ATP2B2: variants seen among roughly 807,000 people sequenced by gnomAD.
The protein encoded by ATP2B2 is ATPase plasma membrane Ca2+ transporting 2, also known as plasma membrane calcium-transporting ATPase 2.
Under a neutral mutation model 120.0 loss-of-function variants are expected in ATP2B2, and 15 were observed. The observed-to-expected ratio is 0.12, with a 90% CI of 0.08 to 0.19. The LOEUF (loss-of-function observed/expected upper bound fraction) is 0.19. Among genes scored for constraint, ATP2B2 ranks in the 10% least tolerant of loss-of-function variants. The pLI is 1.00. For synonymous variants in ATP2B2, 694 were observed against 700.3 expected (o/e 0.99, Z 0.14); for missense variants, 1,045 against 1,719.8 (o/e 0.61, Z 6.94).
chr3:10,402,390 A>C lies in ATP2B2; in HGVS notation c.398-42T>G. 1 of 1,608,568 alleles carries C rather than the reference A, an allele frequency of 6.2e-7. No homozygotes were observed. The highest frequency in any genetic ancestry group is 8.5e-7 in the Non-Finnish European group (1 of 1,179,920). On this transcript the variant is annotated intron_variant, in intron 3 of 22. Transcript: ENST00000360273. This position sits in a 1 kb window ranked among gnomAD's most constrained non-coding sequence, Gnocchi z 4.9. Reference sequence around the variant, plus strand: ...AAGCAGGCAGAGTGAGGTCAACCAGACAGGAGAGGCCTCATGGGCCTGGAT... The same window carrying C: ...AAGCAGGCAGAGTGAGGTCAACCAGCCAGGAGAGGCCTCATGGGCCTGGAT...
At chr3:10,671,423 G>T (rs568092697) in intron 1 of ATP2B2, among the ~76,000 whole-genome samples, 1 of 152,064 alleles carries the variant, frequency 6.6e-6, no homozygotes, top group Non-Finnish European at 1.5e-5. Context: ...GGCCCTTGTC[G>T]AAGTATAGAT....
chr3:10,442,635 A>G (rs765078002), intron 2 of ATP2B2, among the ~76,000 whole-genome samples: 38 of 152,200 alleles, frequency 2.5e-4, no homozygotes, highest in Non-Finnish European at 4.7e-4. Flanking sequence ...GGGGAGGTGT[A>G]TAATAAGCAT....
At chr3:10,559,812 C>T (rs1441592098) in intron 2 of ATP2B2, among the ~76,000 whole-genome samples, 1 of 152,202 alleles carries the variant, frequency 6.6e-6, no homozygotes, top group South Asian at 2.1e-4. Flanking sequence ...CGTGTTCCTT[C>T]CGCGGGGAGC....
At chr3:10,522,353 A>G (rs1310820635) in intron 3 of ATP2B2, among the ~76,000 whole-genome samples, 1 of 152,144 alleles carries the variant, frequency 6.6e-6, no homozygotes, top group Non-Finnish European at 1.5e-5. Context: ...AAGATCAGAC[A>G]GCTAGTAAGT....
At chr3:10,655,749 A>G (rs575999037) in intron 1 of ATP2B2, among the ~76,000 whole-genome samples, 30 of 152,338 alleles carry the variant, frequency 2.0e-4, no homozygotes, top group Admixed American at 1.8e-3. Flanking sequence ...CTTCCTACTA[A>G]GAGAAGTTCC....
In ATP2B2 at chr3:10,535,958, G is replaced by A. The variant is rs1184026000; in HGVS notation, c.-414-1825C>T. On this transcript the variant is annotated intron_variant, in intron 2 of 21. Transcript: ENST00000646379. ...AACTGTCAAACTGTTTTCCAGTATG[G>A]TAAATGACTGTAGCATTTTACATTC... 2.6e-5 allele frequency among the ~76,000 whole-genome samples: 4 copies of A among 151,702 alleles called. No individual in the cohort carries two copies. In the East Asian group the frequency reaches 7.7e-4, roughly 29 times the overall value.
chr3:10,328,977 A>T lies in ATP2B2; in HGVS notation c.3569T>A (p.Leu1190Gln). 2.5e-6 allele frequency: 4 copies of T among 1,613,902 alleles called. No individual in the cohort carries two copies. The highest frequency in any genetic ancestry group is 3.4e-6 in the Non-Finnish European group (4 of 1,179,984). ...CTGCTTGAGCGCGGCATCTTCTTCC[A>T]GGTCGGTGTCATCAATGAGGGGGAT... ...PHIPLIDDTD[L>Q]EEDAALKQNS... The change falls in exon 23 of 23, where the codon CTG (leucine) becomes CAG (glutamine). Residue 1190 changes from leucine to glutamine, a missense_variant. By Grantham distance (113) the Leu-to-Gln change is moderately radical. This residue lies in a region of ATP2B2 where 211 missense variants were observed against 385.1 expected (regional missense o/e 0.55). Transcript: ENST00000360273.
intron 1 of ATP2B2, among the ~76,000 whole-genome samples, chr3:10,689,050 C>T (rs1209877972): frequency 2.0e-5 from 3 of 152,270 alleles, no homozygotes; most frequent in African/African-American, 2.4e-5. Flanking sequence ...TTGACCAACA[C>T]AAAGGATATC....
At chr3:10,681,202 C>A (rs1441041819) in intron 1 of ATP2B2, among the ~76,000 whole-genome samples, 1 of 152,140 alleles carries the variant, frequency 6.6e-6, no homozygotes, top group Non-Finnish European at 1.5e-5. Flanking sequence ...ATAAAGTAAC[C>A]CATCTCAGTT....
chr3:10,504,515 C>T (rs561769530), intron 1 of ATP2B2, among the ~76,000 whole-genome samples: 7 of 151,692 alleles, frequency 4.6e-5, no homozygotes, highest in South Asian at 2.1e-4. Flanking sequence ...ATGGAGGGCC[C>T]GAGACCCCCA....
At chr3:10,666,514 C>T (rs2070942063) in intron 1 of ATP2B2, among the ~76,000 whole-genome samples, 1 of 152,218 alleles carries the variant, frequency 6.6e-6, no homozygotes, top group African/African-American at 2.4e-5. Context: ...CCCTCTTCTT[C>T]CAGGACGCCT....
chr3:10,427,922 GT>G (rs2063193746), intron 2 of ATP2B2, among the ~76,000 whole-genome samples: 1 of 152,172 alleles, frequency 6.6e-6, no homozygotes, highest in Non-Finnish European at 1.5e-5. Flanking sequence ...CAGCTTGAGC[GT>G]TCTGCCTCAT....
intron 2 of ATP2B2, among the ~76,000 whole-genome samples, chr3:10,538,333 T>C (rs2067362690): frequency 6.6e-6 from 1 of 152,136 alleles, no homozygotes; most frequent in African/African-American, 2.4e-5. Flanking sequence ...CTGAAAATAT[T>C]CCCATCAATA....
intron 1 of ATP2B2, among the ~76,000 whole-genome samples, chr3:10,457,364 C>T (rs570166955): frequency 2.6e-5 from 4 of 152,136 alleles, no homozygotes; most frequent in African/African-American, 9.6e-5. Context: ...ATGAGTGGGA[C>T]AGGGTCTGGG....
intron 1 of ATP2B2, among the ~76,000 whole-genome samples, chr3:10,665,439 G>A (rs1442231118): frequency 6.6e-6 from 1 of 152,132 alleles, no homozygotes; most frequent in African/African-American, 2.4e-5. Flanking sequence ...TCTGTGCACG[G>A]CATGCACCTA....
chr3:10,571,329 G>T (rs1344659702), intron 2 of ATP2B2, among the ~76,000 whole-genome samples: 1 of 152,222 alleles, frequency 6.6e-6, no homozygotes, highest in Non-Finnish European at 1.5e-5. Flanking sequence ...CCTTCAGCAG[G>T]GATGCCAGAG....
At chr3:10,361,881 T>G (rs1396628054) in intron 12 of ATP2B2, among the ~76,000 whole-genome samples, 2 of 152,248 alleles carry the variant, frequency 1.3e-5, no homozygotes, top group Non-Finnish European at 2.9e-5. Context: ...GATGGCTTAA[T>G]GCAGACCAGA....
intron 2 of ATP2B2, among the ~76,000 whole-genome samples, chr3:10,417,235 G>A (rs1403153167): frequency 1.3e-5 from 2 of 151,198 alleles, no homozygotes; most frequent in Non-Finnish European, 2.9e-5. Context: ...ACAGTGGGGC[G>A]GCCGGGCAGA....
At chr3:10,429,140 C>A (rs908036917) in intron 2 of ATP2B2, among the ~76,000 whole-genome samples, 4 of 152,130 alleles carry the variant, frequency 2.6e-5, no homozygotes, top group Non-Finnish European at 5.9e-5. Flanking sequence ...CACTTTGCAT[C>A]CTCCGGGTCT....
Sources: allele counts gnomAD v4.1 joint callset (sites outside exome capture counted in the v4.1 genomes callset), GRCh38; gene constraint gnomAD v4.1.1; regional missense constraint gnomAD v4.1.1; non-coding constraint Gnocchi (gnomAD v3.1); transcripts MANE v1.5; gene names NCBI Gene and HGNC (gene_info 2026-07-23, HGNC 2026-07-21).